Variants in NUDT6 observed in about 807,000 individuals in gnomAD.
NUDT6 encodes nudix hydrolase 6, also known as FAD diphosphatase NUDT6.
Under a neutral mutation model 36.8 loss-of-function variants are expected in NUDT6, and 24 were observed. The observed-to-expected ratio is 0.65, with a 90% CI of 0.47 to 0.92. The LOEUF is 0.92. Ranked by LOEUF, NUDT6 falls within the 40% of genes least tolerant of loss-of-function variation. The pLI is 0.00. For synonymous variants in NUDT6, 163 were observed against 157.0 expected (o/e 1.04, Z -0.29); for missense variants, 388 against 392.8 (o/e 0.99, Z 0.10).
At position 122,922,540 on chromosome 4, in the gene NUDT6, G is replaced by C. The variant is rs535783622; in HGVS notation, c.33C>G (p.Arg11=). The C allele has an allele frequency of 1.2e-6, 2 of 1,603,214 alleles. No homozygotes were observed. The highest frequency in any genetic ancestry group is 1.7e-6 in the Non-Finnish European group (2 of 1,177,602). Residue 11 remains arginine (R), a synonymous_variant, in exon 1 of 5, where the codon CGC becomes CGG. Transcript: ENST00000304430. MRQPLSWGRW[R]AMLARTYGPG... is the part of the protein sequence containing the mutation. ...GGCCGTAGGTTCGGGCAAGCATCGCGCGCCAGCGGCCCCAGCTCAGTGGCT... is the reference window on the plus strand; with the variant it reads ...GGCCGTAGGTTCGGGCAAGCATCGCCCGCCAGCGGCCCCAGCTCAGTGGCT...
rs917267413 is a variant in NUDT6, at chr4:122,917,973, C to T, written c.239-269G>A. 38 of 409,690 alleles carry T rather than the reference C, an allele frequency of 9.3e-5. No individual in the cohort carries two copies. In the Admixed American group the frequency reaches 1.1e-3, roughly 12 times the overall value. The allele number at this position is 409,690 out of a possible 1,614,324, so 25.4% of individuals were successfully genotyped here. ...ATACCACCAAAGACAATGCTTGGCA[C>T]GTAACAGATGTTCTGTAGTTTTAGA... On this transcript the variant is annotated intron_variant, in intron 1 of 4. Coordinates refer to ENST00000304430, the MANE Select transcript of NUDT6 (RefSeq NM_007083.5).
intron 2 of NUDT6, among the ~76,000 whole-genome samples, chr4:122,916,285 C>T (rs1474549490): frequency 6.6e-6 from 1 of 152,188 alleles, no homozygotes; most frequent in Non-Finnish European, 1.5e-5. Flanking sequence ...GTGTCTTACT[C>T]TGAGGGAAGT....
chr4:122,904,578 T>C (rs1222714213), intron 3 of NUDT6, among the ~76,000 whole-genome samples: 1 of 152,168 alleles, frequency 6.6e-6, no homozygotes, highest in Non-Finnish European at 1.5e-5. Flanking sequence ...TGCCTCAGCC[T>C]TCCAAGTAGC....
intron 3 of NUDT6, among the ~76,000 whole-genome samples, chr4:122,898,800 T>C (rs1298593554): frequency 2.0e-5 from 3 of 152,220 alleles, no homozygotes; most frequent in African/African-American, 7.2e-5. Flanking sequence ...CTAGATTCCA[T>C]TTGGAAATAT....
At chr4:122,900,057 A>ACAACCCCCCCC (rs376050692) in intron 3 of NUDT6, among the ~76,000 whole-genome samples, 1 of 88,680 alleles carries the variant, frequency 1.1e-5, no homozygotes, top group Non-Finnish European at 2.2e-5. Context: ...CACCCCCGCC[A>ACAACCCCCCCC]CCCCCCCCCC....
chr4:122,917,832 T>G (rs1727877504), intron 1 of NUDT6, 128 bp from the exon 2 acceptor site: 1 of 726,242 alleles, frequency 1.4e-6, no homozygotes, highest in South Asian at 1.9e-5. Flanking sequence ...AATGTCTTGT[T>G]CACATCGCTG....
In NUDT6 at chr4:122,922,464, G is replaced by T. The variant is rs745602649; in HGVS notation, c.109C>A (p.Arg37=). 6.2e-7 allele frequency: 1 copy of T among 1,611,956 alleles called. No homozygotes were observed. Among genetic ancestry groups the T allele is most frequent in the Admixed American group, 1.7e-5 (1 of 59,998 alleles). The change falls in exon 1 of 5, where the codon CGG becomes AGG. Residue 37 remains arginine, a synonymous_variant. Coordinates refer to ENST00000304430, the MANE Select transcript of NUDT6 (RefSeq NM_007083.5). The part of the protein sequence containing the change: ...RWASGAQGYV[R]NPPVGACDLQ... Reference sequence around the variant, plus strand: ...TCGCACGCTCCAACTGGCGGATTCCGCACGTAACCCTGTGCGCCCGAGGCC... The same window carrying T: ...TCGCACGCTCCAACTGGCGGATTCCTCACGTAACCCTGTGCGCCCGAGGCC...
At chr4:122,920,210 T>C (rs1412574384) in intron 1 of NUDT6, 1 of 152,168 alleles carries the variant, frequency 6.6e-6, no homozygotes, top group Non-Finnish European at 1.5e-5. Context: ...ACCATTCAGT[T>C]AGTTTTGTTC....
chr4:122,914,846 C>T (rs1472447976), intron 2 of NUDT6, among the ~76,000 whole-genome samples: 1 of 152,046 alleles, frequency 6.6e-6, no homozygotes, highest in Non-Finnish European at 1.5e-5. Context: ...AAATATCTGC[C>T]TTTATGGAGT....
At chr4:122,897,773 G>T in intron 3 of NUDT6, 95 bp from the exon 4 acceptor site, 1 of 846,866 alleles carries the variant, frequency 1.2e-6, no homozygotes, top group African/African-American at 1.7e-5. Context: ...GGTCAAAGTG[G>T]TTGAGAATAT....
chr4:122,904,236 A>G (rs572956400), intron 3 of NUDT6, among the ~76,000 whole-genome samples: 2 of 152,150 alleles, frequency 1.3e-5, no homozygotes, highest in Non-Finnish European at 2.9e-5. Context: ...AGAAGCTACT[A>G]TGCCTGCATG....
Position 122,892,992 on chromosome 4 carries a change from T to G in NUDT6, c.787A>C (p.Ile263Leu), listed in dbSNP as rs537801998. ...AGCAGCCTAGCAACTCTGCTGGTGA[T>G]GGGAGTTGTATTTTCAGTCTTCGCC... is the stretch of plus-strand genomic sequence containing the variant. Reference protein sequence around the residue: ...DLAKTENTTPITSRVARLLLY... With the variant: ...DLAKTENTTPLTSRVARLLLY... Residue 263 changes from isoleucine to leucine, a missense_variant, in exon 5 of 5, where the codon ATC becomes CTC. Coordinates refer to ENST00000304430, the MANE Select transcript of NUDT6 (RefSeq NM_007083.5). 1.2e-6 allele frequency: 2 copies of G among 1,614,154 alleles called. No individual in the cohort carries two copies. The highest frequency in any genetic ancestry group is 2.2e-5 in the South Asian group (2 of 91,086).
chr4:122,910,905 T>C (rs1012292391), intron 3 of NUDT6, among the ~76,000 whole-genome samples: 1 of 152,106 alleles, frequency 6.6e-6, no homozygotes, highest in Non-Finnish European at 1.5e-5. Context: ...TTAAATAAAT[T>C]CTGGTGATCT....
chr4:122,918,643 C>T (rs1456912378), intron 1 of NUDT6: 1 of 152,138 alleles, frequency 6.6e-6, no homozygotes, highest in Non-Finnish European at 1.5e-5. Context: ...TCTCTTTTCC[C>T]TAGCTCTGCA....
chr4:122,900,481 T>C (rs1482877523), intron 3 of NUDT6, among the ~76,000 whole-genome samples: 1 of 151,904 alleles, frequency 6.6e-6, no homozygotes, highest in Admixed American at 6.6e-5. Flanking sequence ...ATAAGAATTA[T>C]GCACATTTAA....
At chr4:122,902,550 T>G (rs1727545684) in intron 3 of NUDT6, among the ~76,000 whole-genome samples, 1 of 152,244 alleles carries the variant, frequency 6.6e-6, no homozygotes, top group Non-Finnish European at 1.5e-5. Flanking sequence ...TTTTATTATT[T>G]GTATCTTATG....
At chr4:122,894,610 TAAGAA>T (rs1279664860) in intron 4 of NUDT6, 1 of 151,730 alleles carries the variant, frequency 6.6e-6, no homozygotes, top group Non-Finnish European at 1.5e-5. Context: ...TTTTCCTTAA[TAAGAA>T]AAGTAATTTT....
At chr4:122,905,152 T>C (rs561795474) in intron 3 of NUDT6, among the ~76,000 whole-genome samples, 15 of 152,302 alleles carry the variant, frequency 9.8e-5, no homozygotes, top group African/African-American at 3.4e-4. Flanking sequence ...TTGGTCCATT[T>C]TACAGAGTGC....
intron 1 of NUDT6, chr4:122,922,039 A>G: frequency 2.8e-6 from 1 of 361,466 alleles, no homozygotes; most frequent in Non-Finnish European, 4.9e-6. Context: ...TCTGTGGAAG[A>G]GGAAATGGTG....
Sources: gnomAD v4.1 joint callset for allele counts (sites outside exome capture counted in the v4.1 genomes callset) on GRCh38, gnomAD v4.1.1 for gene constraint, MANE v1.5 for transcripts, NCBI Gene and HGNC (gene_info 2026-07-23, HGNC 2026-07-21) for gene names.